NXPH1: variants seen among roughly 807,000 people sequenced by gnomAD.
NXPH1 encodes the protein neurexophilin 1.
NXPH1 carries 5 observed loss-of-function variants against 23.7 expected under a neutral mutation model. The observed-to-expected ratio is 0.21, with a 90% CI of 0.11 to 0.44. The LOEUF (loss-of-function observed/expected upper bound fraction) is 0.44. NXPH1 is among the 20% of genes least tolerant of loss of function. The probability of loss-of-function intolerance (pLI) is 0.99; values close to 1 mark genes in which losing one functional copy is unlikely to be tolerated. For synonymous variants in NXPH1, 144 were observed against 122.2 expected (o/e 1.18, Z -1.18); for missense variants, 324 against 321.6 (o/e 1.01, Z -0.06).
At chr7:8,566,221 C>G (rs990596613) in intron 2 of NXPH1, among the ~76,000 whole-genome samples, 1 of 151,770 alleles carries the variant, frequency 6.6e-6, no homozygotes, top group Non-Finnish European at 1.5e-5. Flanking sequence ...AGATACTTGT[C>G]CAGATGGAAT....
At chr7:8,535,545 A>G (rs1029571875) in intron 2 of NXPH1, among the ~76,000 whole-genome samples, 1 of 151,944 alleles carries the variant, frequency 6.6e-6, no homozygotes, top group African/African-American at 2.4e-5. Flanking sequence ...GGAAAAAAAA[A>G]TCCAGACAAA....
intron 2 of NXPH1, among the ~76,000 whole-genome samples, chr7:8,729,150 A>G (rs1383083093): frequency 6.6e-6 from 1 of 151,640 alleles, no homozygotes; most frequent in Non-Finnish European, 1.5e-5. Flanking sequence ...GTATTCTCTG[A>G]TGGTAGTTTG....
At chr7:8,564,430 C>T (rs1476990960) in intron 2 of NXPH1, among the ~76,000 whole-genome samples, 1 of 151,696 alleles carries the variant, frequency 6.6e-6, no homozygotes, top group African/African-American at 2.4e-5. Context: ...GCTCATGGCT[C>T]TTCCCAACTG....
chr7:8,751,137 A>G lies in NXPH1; in HGVS notation c.184A>G (p.Thr62Ala), dbSNP rs1157505414. ...DLSISRLLSQ[T>A]FRGKENDTDL... Reference sequence around the variant, plus strand: ...GTCTATCAGCCGACTCCTGTCACAGACTTTTCGTGGCAAAGAGAATGATAC... The same window carrying G: ...GTCTATCAGCCGACTCCTGTCACAGGCTTTTCGTGGCAAAGAGAATGATAC... The change falls in exon 3 of 3, where the codon ACT becomes GCT. Residue 62 changes from threonine (T) to alanine (A), a missense_variant. By Grantham distance (58) the Thr-to-Ala change is moderately conservative. Coordinates refer to ENST00000405863, the MANE Select transcript of NXPH1 (RefSeq NM_152745.3). The surrounding 1 kb of genome is among the most constrained non-coding windows in gnomAD (Gnocchi z 4.5). The G allele has an allele frequency of 2.5e-5, 40 of 1,613,716 alleles. No homozygotes were observed. The highest frequency in any genetic ancestry group is 3.3e-5 in the Non-Finnish European group (39 of 1,179,790).
chr7:8,476,975 G>C (rs1048702364), intron 2 of NXPH1, among the ~76,000 whole-genome samples: 2 of 152,226 alleles, frequency 1.3e-5, no homozygotes, highest in Non-Finnish European at 2.9e-5. Context: ...TTGAAGACTA[G>C]CTGGGAATCT....
intron 2 of NXPH1, among the ~76,000 whole-genome samples, chr7:8,441,490 C>A (rs1264702535): frequency 6.6e-6 from 1 of 152,082 alleles, no homozygotes; most frequent in Non-Finnish European, 1.5e-5. Context: ...GCTTGGCAAG[C>A]ACTTAATCAA....
At chr7:8,615,025 G>A (rs894744621) in intron 2 of NXPH1, among the ~76,000 whole-genome samples, 2 of 151,938 alleles carry the variant, frequency 1.3e-5, no homozygotes, top group African/African-American at 2.4e-5. Context: ...CTGTTAGTTG[G>A]CTCTGATTTC....
At chr7:8,611,149 G>A (rs1447987955) in intron 2 of NXPH1, among the ~76,000 whole-genome samples, 2 of 152,038 alleles carry the variant, frequency 1.3e-5, no homozygotes, top group African/African-American at 4.8e-5. Context: ...GATACAGAGT[G>A]ATATTTTGAT....
At chr7:8,441,037 AT>A (rs1001140883) in intron 2 of NXPH1, among the ~76,000 whole-genome samples, 1 of 152,084 alleles carries the variant, frequency 6.6e-6, no homozygotes, top group Non-Finnish European at 1.5e-5. Flanking sequence ...GTTCTTTCTG[AT>A]TTTTTTAAAA....
At chr7:8,748,749 T>C (rs1256799537) in intron 2 of NXPH1, among the ~76,000 whole-genome samples, 4 of 152,210 alleles carry the variant, frequency 2.6e-5, no homozygotes, top group African/African-American at 9.6e-5. Context: ...GTTTTGGCTT[T>C]TCAGGGTGCT....
intron 2 of NXPH1, among the ~76,000 whole-genome samples, chr7:8,476,908 C>T (rs949503920): frequency 6.6e-6 from 1 of 152,108 alleles, no homozygotes; most frequent in Non-Finnish European, 1.5e-5. Context: ...CCAGAGCTGA[C>T]TATAGGAGAT....
At chr7:8,607,333 A>G (rs1371239875) in intron 2 of NXPH1, among the ~76,000 whole-genome samples, 1 of 152,212 alleles carries the variant, frequency 6.6e-6, no homozygotes, top group Non-Finnish European at 1.5e-5. Context: ...ATGAGTTGCT[A>G]GAAGAATGCA....
At chr7:8,548,510 G>T (rs1003406309) in intron 2 of NXPH1, among the ~76,000 whole-genome samples, 2 of 151,528 alleles carry the variant, frequency 1.3e-5, no homozygotes, top group African/African-American at 4.8e-5. Context: ...CTGTATAAAT[G>T]CTGGGTAATA....
At chr7:8,666,901 C>CT (rs554203889) in intron 2 of NXPH1, among the ~76,000 whole-genome samples, 217 of 151,658 alleles carry the variant, frequency 1.4e-3, no homozygotes, top group African/African-American at 4.9e-3. Context: ...AATTTTGATT[C>CT]TTTTTTTAAA....
At chr7:8,520,061 T>C in intron 2 of NXPH1, among the ~76,000 whole-genome samples, 1 of 152,202 alleles carries the variant, frequency 6.6e-6, no homozygotes, top group African/African-American at 2.4e-5. Flanking sequence ...ATTTTCATTA[T>C]ACAAAAAGAA....
intron 2 of NXPH1, among the ~76,000 whole-genome samples, chr7:8,689,026 TC>T (rs1821188972): frequency 6.6e-6 from 1 of 152,192 alleles, no homozygotes; most frequent in Non-Finnish European, 1.5e-5. Context: ...TTCATAGTAG[TC>T]TCTTTTTCAA....
At chr7:8,447,075 A>G (rs921601157) in intron 2 of NXPH1, among the ~76,000 whole-genome samples, 2 of 152,176 alleles carry the variant, frequency 1.3e-5, no homozygotes, top group African/African-American at 4.8e-5. Context: ...GAGACCTGTT[A>G]TATTTTCTGT....
chr7:8,649,107 C>G (rs1820445973), intron 2 of NXPH1, among the ~76,000 whole-genome samples: 1 of 151,436 alleles, frequency 6.6e-6, no homozygotes, highest in Non-Finnish European at 1.5e-5. Context: ...TATTACTTTT[C>G]TTTCAACCTT....
chr7:8,699,053 C>T (rs900414372), intron 2 of NXPH1, among the ~76,000 whole-genome samples: 1 of 152,056 alleles, frequency 6.6e-6, no homozygotes, highest in Non-Finnish European at 1.5e-5. Context: ...TTTAGTGATA[C>T]AAATAATTAC....
Sources: allele counts gnomAD v4.1 joint callset (sites outside exome capture counted in the v4.1 genomes callset), GRCh38; gene constraint gnomAD v4.1.1; non-coding constraint Gnocchi (gnomAD v3.1); transcripts MANE v1.5; gene names NCBI Gene and HGNC (gene_info 2026-07-23, HGNC 2026-07-21).